The following MANBAL variants were observed in gnomAD, a reference collection of about 807,000 sequenced individuals.
MANBAL encodes the protein protein MANBAL.
In MANBAL, 1 loss-of-function variant was observed where a neutral mutation model predicts 6.4. The ratio of observed to expected loss-of-function variants is 0.16; its 90% CI spans 0.06 to 0.74. MANBAL has a LOEUF of 0.74. MANBAL is among the 30% of genes least tolerant of loss of function. The pLI is 0.78. For missense variants in MANBAL, 100 were observed against 107.8 expected (o/e 0.93, Z 0.32); for synonymous variants, 47 against 45.8 (o/e 1.03, Z -0.10).
chr20:37,311,463 G>A (rs1018107954), intron 2 of MANBAL, among the ~76,000 whole-genome samples: 2 of 152,042 alleles, frequency 1.3e-5, no homozygotes, highest in East Asian at 1.9e-4. Flanking sequence ...TGTTGTCATT[G>A]TTTTTTTTAT....
chr20:37,316,188 A>C, intron 2 of MANBAL, 120 bp from the exon 3 acceptor site: 4 of 899,052 alleles, frequency 4.4e-6, no homozygotes, highest in Non-Finnish European at 6.8e-6. Context: ...GGTCCCGGGA[A>C]TGACAGTTTC....
At chr20:37,300,497 T>A (rs1348769560) in intron 1 of MANBAL, among the ~76,000 whole-genome samples, 2 of 152,252 alleles carry the variant, frequency 1.3e-5, no homozygotes, top group Non-Finnish European at 2.9e-5. Context: ...GCTTCCATCC[T>A]GAGCATGTAG....
At chr20:37,309,669 T>G (rs542084019) in intron 2 of MANBAL, among the ~76,000 whole-genome samples, 9 of 152,308 alleles carry the variant, frequency 5.9e-5, no homozygotes, top group South Asian at 2.1e-4. Flanking sequence ...CACCTGCACC[T>G]ACTGCACCAC....
rs557808858 is a variant in MANBAL, at chr20:37,292,087, C to G, written c.-57+2401C>G. On this transcript the variant is annotated intron_variant, in intron 1 of 2. Transcript: ENST00000373606. ...CACCTGGCTTGAGGTAGTAGTCAGG[C>G]TTTTCCAGTGTAGAGTTACTTTTCC... is the stretch of plus-strand genomic sequence containing the variant. Among the ~76,000 whole-genome samples the G allele has an allele frequency of 1.4e-4, 21 of 152,306 alleles. 1 individual carries two copies. The South Asian group carries it at 1.7e-3, about 12-fold the overall frequency.
chr20:37,309,545 C>T (rs926147570), intron 2 of MANBAL, among the ~76,000 whole-genome samples: 4 of 152,166 alleles, frequency 2.6e-5, no homozygotes, highest in African/African-American at 9.7e-5. Flanking sequence ...TCGCCACGGG[C>T]GATGGTGAGA....
intron 1 of MANBAL, among the ~76,000 whole-genome samples, chr20:37,296,534 T>C (rs1267542302): frequency 6.6e-6 from 1 of 152,226 alleles, no homozygotes; most frequent in Non-Finnish European, 1.5e-5. Flanking sequence ...GCCGGGTTAG[T>C]GAAGAGGGAT....
At chr20:37,296,469 A>G (rs1387324461) in intron 1 of MANBAL, among the ~76,000 whole-genome samples, 5 of 152,154 alleles carry the variant, frequency 3.3e-5, no homozygotes, top group East Asian at 1.9e-4. Flanking sequence ...ATTTTTTTCA[A>G]TTACTGTTAC....
At chr20:37,302,350 T>C (rs1600906915) in intron 2 of MANBAL, 1 of 1,550,500 alleles carries the variant, frequency 6.4e-7, no homozygotes, top group Non-Finnish European at 8.7e-7. Flanking sequence ...GCTGGTGCTA[T>C]GTACTCCCTA....
chr20:37,290,757 C>G (rs1339027139), intron 1 of MANBAL, among the ~76,000 whole-genome samples: 3 of 151,956 alleles, frequency 2.0e-5, no homozygotes, highest in South Asian at 4.1e-4. Flanking sequence ...CCACACCCGG[C>G]TTTTTTTTCT....
chr20:37,316,330 G>C lies in MANBAL; in HGVS notation c.173G>C (p.Arg58Thr), dbSNP rs1474195702. ...HEAEAEPSEPRSAEVTRKPKA... is the reference protein window; with the variant it reads ...HEAEAEPSEPTSAEVTRKPKA... ...CAGGAGGCTGAACCGTCTGAGCCCAGAAGTGCTGAGGTGACGAGGAAGCCC... is the reference window on the plus strand; with the variant it reads ...CAGGAGGCTGAACCGTCTGAGCCCACAAGTGCTGAGGTGACGAGGAAGCCC... The change falls in exon 3 of 3, where the codon AGA (arginine) becomes ACA (threonine). Residue 58 changes from arginine (R) to threonine (T), a missense_variant. By Grantham distance (71) the Arg-to-Thr change is moderately conservative. Transcript: ENST00000373606. 1.9e-6 allele frequency: 3 copies of C among 1,613,786 alleles called. No homozygotes were observed. The Admixed American group carries it at 5.0e-5, about 27-fold the overall frequency.
At chr20:37,315,640 G>A (rs944625985) in intron 2 of MANBAL, among the ~76,000 whole-genome samples, 10 of 152,222 alleles carry the variant, frequency 6.6e-5, no homozygotes, top group African/African-American at 2.4e-4. Flanking sequence ...TGTCGCCCAG[G>A]GAGTCTGGAA....
chr20:37,296,707 A>AG (rs1300733957), intron 1 of MANBAL, among the ~76,000 whole-genome samples: 2 of 152,206 alleles, frequency 1.3e-5, no homozygotes, highest in Non-Finnish European at 2.9e-5. Context: ...TCTAGGAAGT[A>AG]AGTTATTCAG....
At chr20:37,313,261 C>T (rs2069428332) in intron 2 of MANBAL, among the ~76,000 whole-genome samples, 1 of 152,130 alleles carries the variant, frequency 6.6e-6, no homozygotes, top group Non-Finnish European at 1.5e-5. Flanking sequence ...GCCCCAGCTA[C>T]TCGGGAGGCT....
chr20:37,292,251 G>A (rs1295318308), intron 1 of MANBAL, among the ~76,000 whole-genome samples: 1 of 152,192 alleles, frequency 6.6e-6, no homozygotes, highest in Non-Finnish European at 1.5e-5. Context: ...AAATTTGTCT[G>A]TTCCCCTATT....
intron 2 of MANBAL, among the ~76,000 whole-genome samples, chr20:37,302,476 T>C (rs1224359790): frequency 6.6e-6 from 1 of 152,220 alleles, no homozygotes; most frequent in East Asian, 1.9e-4. Flanking sequence ...ATCCGGTCAG[T>C]CTTTCACCTA....
Position 37,303,701 on chromosome 20 carries a change from G to A in MANBAL, c.150+2288G>A, listed in dbSNP as rs533551436. On this transcript the variant is annotated intron_variant, in intron 2 of 2. Transcript: ENST00000373606. ...GAGACTGGAGGAAACAGGCGCAGGC[G>A]TCTGAGTGCTCTCCCATTGGATACC... Among the ~76,000 whole-genome samples the A allele has an allele frequency of 7.2e-5, 11 of 152,310 alleles. No homozygotes were observed. In the South Asian group the frequency reaches 1.2e-3, roughly 17 times the overall value.
rs557838503 is a variant in MANBAL at position 37,309,479 on chromosome 20, A to G, written c.151-6829A>G. On this transcript the variant is annotated intron_variant, in intron 2 of 2. Transcript: ENST00000373606. ...GGGAAAGGGCAGGGTCCCCATGGAA[A>G]AGAGGTGCTGGGAAGACAGACAGCC... Among the ~76,000 whole-genome samples the G allele has an allele frequency of 3.3e-5, 5 of 152,286 alleles. No individual in the cohort carries two copies. The South Asian group carries it at 1.0e-3, about 32-fold the overall frequency.
intron 1 of MANBAL, among the ~76,000 whole-genome samples, chr20:37,292,741 C>G (rs2068901384): frequency 6.6e-6 from 1 of 152,170 alleles, no homozygotes; most frequent in Non-Finnish European, 1.5e-5. Flanking sequence ...TTTGACATAT[C>G]CCCCTCTATA....
rs561837207 is a variant in MANBAL at position 37,316,706 on chromosome 20, A to G, written c.*291A>G. On this transcript the variant is annotated 3_prime_UTR_variant, in exon 3 of 3. Coordinates refer to ENST00000373606, the MANE Select transcript of MANBAL (RefSeq NM_001003897.2). ...AAGCCGGGTCAGCTCACAGAGTCAC[A>G]TTTTCTTGCTTAGTCATGTGTCCCT... The G allele has an allele frequency of 2.5e-5, 6 of 241,610 alleles. No homozygotes were observed. Among genetic ancestry groups the G allele is most frequent in the Non-Finnish European group, 4.8e-5 (6 of 123,962 alleles). 15.0% of individuals were successfully genotyped at this position (241,610 alleles called of 1,614,324 possible).
Sources: allele counts gnomAD v4.1 joint callset (sites outside exome capture counted in the v4.1 genomes callset), GRCh38; gene constraint gnomAD v4.1.1; transcripts MANE v1.5; gene names NCBI Gene and HGNC (gene_info 2026-07-23, HGNC 2026-07-21).